NRL: variants seen among roughly 807,000 people sequenced by gnomAD.
NRL encodes the protein neural retina-specific leucine zipper protein.
A neutral mutation model predicts 12.5 loss-of-function variants in NRL; 16 were observed. That is an observed-to-expected ratio of 1.28 (90% confidence interval 0.87 to 1.95). The LOEUF is 1.95. Among genes scored for constraint, NRL ranks in the 30% most tolerant of loss-of-function variants. NRL has a pLI of 0.00. For synonymous variants in NRL, 142 were observed against 150.9 expected (o/e 0.94, Z 0.43); for missense variants, 314 against 325.8 (o/e 0.96, Z 0.28).
chr14:24,107,150 C>A (rs1309455201), intron 1 of NRL, among the ~76,000 whole-genome samples: 1 of 151,956 alleles, frequency 6.6e-6, no homozygotes, highest in African/African-American at 2.4e-5. Flanking sequence ...AAAATAAATC[C>A]CTCCAGCTAA....
In NRL at chr14:24,082,580, A is replaced by G. The variant is rs754468480; in HGVS notation, c.269T>C (p.Leu90Pro). ...QQLGAGEALG[L>P]SPEEAMELLQ... ...CAGCTCCATGGCCTCTTCAGGACTC[A>G]GCCCCAATGCCTCCCCAGCCCCCAG... Residue 90 changes from leucine to proline, a missense_variant, in exon 2 of 3, where the codon CTG becomes CCG. By Grantham distance (98) the Leu-to-Pro change is moderately conservative. Coordinates refer to ENST00000561028, the MANE Select transcript of NRL (RefSeq NM_001354768.3). 1.2e-6 allele frequency: 2 copies of G among 1,613,612 alleles called. No individual in the cohort carries two copies. Among genetic ancestry groups the G allele is most frequent in the African/African-American group, 1.3e-5 (1 of 74,904 alleles).
chr14:24,098,222 C>G, intron 1 of NRL: 1 of 1,612,372 alleles, frequency 6.2e-7, no homozygotes, highest in Non-Finnish European at 8.5e-7. Flanking sequence ...CCGCACAGAC[C>G]CCAAGGATGT....
At chr14:24,103,858 A>G (rs752206900) in intron 1 of NRL, 1 of 1,614,102 alleles carries the variant, frequency 6.2e-7, no homozygotes, top group Non-Finnish European at 8.5e-7. Flanking sequence ...TGGGAACAGG[A>G]GGTTCGTGAC....
intron 1 of NRL, among the ~76,000 whole-genome samples, chr14:24,109,601 G>A (rs941621235): frequency 1.3e-5 from 2 of 151,834 alleles, no homozygotes; most frequent in East Asian, 1.9e-4. Flanking sequence ...GGGAGGCTGA[G>A]GCAGGAGAAT....
At chr14:24,099,719 AG>A (rs779435861) in intron 1 of NRL, 3 of 1,612,948 alleles carry the variant, frequency 1.9e-6, no homozygotes, top group Non-Finnish European at 2.5e-6. Flanking sequence ...TTGACAGTGA[AG>A]GTGAGGGACT....
rs1357847547 is a variant in NRL at position 24,080,676 on chromosome 14, C to T, written c.*560G>A. On this transcript the variant is annotated 3_prime_UTR_variant, in exon 3 of 3. Coordinates refer to ENST00000561028, the MANE Select transcript of NRL (RefSeq NM_001354768.3). Reference sequence around the variant, plus strand: ...CCAACAACCCCCAGAGCTCACTCTTCAGGCCTTTGCTGCTCTGAGCCCTGA... The same window carrying T: ...CCAACAACCCCCAGAGCTCACTCTTTAGGCCTTTGCTGCTCTGAGCCCTGA... 2.6e-5 allele frequency: 4 copies of T among 152,646 alleles called. No individual in the cohort carries two copies. Among genetic ancestry groups the T allele is most frequent in the African/African-American group, 7.2e-5 (3 of 41,434 alleles). The allele number at this position is 152,646 out of a possible 1,614,324, so 9.5% of individuals were successfully genotyped here. A position where few individuals can be genotyped will look rare whatever the true frequency, so the allele number is the denominator to read the frequency against.
At position 24,080,986 on chromosome 14, in the gene NRL, T is replaced by C. The variant is rs984004708; in HGVS notation, c.*250A>G. 3.2e-5 allele frequency: 12 copies of C among 375,518 alleles called. No individual in the cohort carries two copies. The highest frequency in any genetic ancestry group is 2.1e-4 in the African/African-American group (10 of 47,666). The allele number at this position is 375,518 out of a possible 1,614,324, so 23.3% of individuals were successfully genotyped here. On this transcript the variant is annotated 3_prime_UTR_variant, in exon 3 of 3. Coordinates refer to ENST00000561028, the MANE Select transcript of NRL (RefSeq NM_001354768.3). Reference sequence around the variant, plus strand: ...TGCCTGGCACTGGTCCCTGCAGAGCTCAGCGTGCTAGTCATGTGGGCTGGG... The same window carrying C: ...TGCCTGGCACTGGTCCCTGCAGAGCCCAGCGTGCTAGTCATGTGGGCTGGG...
chr14:24,098,371 T>C, intron 1 of NRL: 1 of 1,612,274 alleles, frequency 6.2e-7, no homozygotes, highest in Non-Finnish European at 8.5e-7. Context: ...ATGAGAGGTT[T>C]CCAGGCTGCA....
chr14:24,110,951 T>C (rs1035834970), intron 1 of NRL, among the ~76,000 whole-genome samples: 10 of 152,226 alleles, frequency 6.6e-5, no homozygotes, highest in Admixed American at 2.0e-4. Context: ...GTTTGGAAGT[T>C]TGTATTTGAA....
intron 1 of NRL, among the ~76,000 whole-genome samples, chr14:24,091,869 G>T (rs781211796): frequency 1.3e-4 from 20 of 152,148 alleles, no homozygotes; most frequent in Non-Finnish European, 2.8e-4. Context: ...GAGCAGGAAT[G>T]AAAGAAAGGA....
intron 1 of NRL, among the ~76,000 whole-genome samples, chr14:24,088,472 T>A (rs1469930379): frequency 6.6e-6 from 1 of 152,240 alleles, no homozygotes; most frequent in African/African-American, 2.4e-5. Flanking sequence ...TGAGGGCCAG[T>A]GGCCAAAACT....
intron 1 of NRL, among the ~76,000 whole-genome samples, chr14:24,084,096 T>C (rs941781848): frequency 4.6e-5 from 7 of 152,142 alleles, no homozygotes; most frequent in African/African-American, 1.7e-4. Flanking sequence ...CAAGCCTAGG[T>C]AGCCTTCTTT....
chr14:24,098,008 A>T (rs566022209), intron 1 of NRL, among the ~76,000 whole-genome samples: 3 of 151,200 alleles, frequency 2.0e-5, no homozygotes, highest in Middle Eastern at 6.8e-3. Flanking sequence ...AGGGGCAGAG[A>T]CCCCCAGAGG....
intron 1 of NRL, chr14:24,084,629 G>A (rs2036420346): frequency 1.5e-5 from 15 of 985,364 alleles, no homozygotes; most frequent in Non-Finnish European, 1.6e-5. Context: ...TCAGCTCCAG[G>A]GGGCTGTGGG....
chr14:24,094,148 A>C lies in NRL; in HGVS notation c.-27-11273T>G, dbSNP rs2036737616. 2 of 543,886 alleles carry C rather than the reference A, an allele frequency of 3.7e-6. No homozygotes were observed. Among genetic ancestry groups the C allele is most frequent in the Non-Finnish European group, 3.2e-6 (1 of 311,224 alleles). 33.7% of individuals were successfully genotyped at this position (543,886 alleles called of 1,614,324 possible). A position where few individuals can be genotyped will look rare whatever the true frequency, so the allele number is the denominator to read the frequency against. Reference sequence around the variant, plus strand: ...GGGAGAGATGGGTTTGGCGGTTTGGAGGCAGGGGTTGGGGCGGCGGCTGGG... The same window carrying C: ...GGGAGAGATGGGTTTGGCGGTTTGGCGGCAGGGGTTGGGGCGGCGGCTGGG... On this transcript the variant is annotated intron_variant, in intron 1 of 2. Coordinates refer to ENST00000561028, the MANE Select transcript of NRL (RefSeq NM_001354768.3). This position sits in a 1 kb window ranked among gnomAD's most constrained non-coding sequence, Gnocchi z 4.1.
intron 1 of NRL, chr14:24,103,853 A>G (rs1410422381): frequency 6.2e-7 from 1 of 1,614,138 alleles, no homozygotes; most frequent in Admixed American, 1.7e-5. Flanking sequence ...ACTTCTGGGA[A>G]CAGGAGGTTC....
chr14:24,098,203 C>T lies in NRL; in HGVS notation c.-27-15328G>A, dbSNP rs938522560. The T allele has an allele frequency of 1.9e-6, 3 of 1,591,750 alleles. No individual in the cohort carries two copies. The highest frequency in any genetic ancestry group is 2.6e-6 in the Non-Finnish European group (3 of 1,165,236). The stretch of plus-strand genomic sequence containing the variant: ...TTCCTGACAATCCCCTCTCCCCCAG[C>T]TGGCTGGCCCGCACAGACCCCAAGG... On this transcript the variant is annotated intron_variant, in intron 1 of 2. Coordinates refer to ENST00000561028, the MANE Select transcript of NRL (RefSeq NM_001354768.3).
intron 1 of NRL, among the ~76,000 whole-genome samples, chr14:24,092,149 C>CT (rs2036649955): frequency 6.6e-6 from 1 of 152,202 alleles, no homozygotes; most frequent in Admixed American, 6.5e-5. Flanking sequence ...ATTCTTCTCT[C>CT]TTAACTTTCC....
At chr14:24,087,724 A>G (rs546907413) in intron 1 of NRL, among the ~76,000 whole-genome samples, 2 of 152,338 alleles carry the variant, frequency 1.3e-5, no homozygotes, top group East Asian at 3.9e-4. Flanking sequence ...AGTAACTTAC[A>G]CTAATACCAG....
Sources: gnomAD v4.1 joint callset for allele counts (sites outside exome capture counted in the v4.1 genomes callset) on GRCh38, gnomAD v4.1.1 for gene constraint, Gnocchi (gnomAD v3.1) non-coding constraint, MANE v1.5 for transcripts, NCBI Gene and HGNC (gene_info 2026-07-23, HGNC 2026-07-21) for gene names.